The following NMT2 variants were observed in gnomAD, a reference collection of about 807,000 sequenced individuals.
NMT2 encodes the protein N-myristoyltransferase 2.
NMT2 carries 35 observed loss-of-function variants against 65.4 expected under a neutral mutation model. The ratio of observed to expected loss-of-function variants is 0.54; its 90% CI spans 0.41 to 0.71. The LOEUF is 0.71. NMT2 is among the 30% of genes least tolerant of loss of function. The probability of loss-of-function intolerance (pLI) is 0.00; values close to 1 mark genes in which losing one functional copy is unlikely to be tolerated. For missense variants in NMT2, 489 were observed against 611.3 expected (o/e 0.80, Z 2.11); for synonymous variants, 226 against 231.8 (o/e 0.98, Z 0.23).
intron 1 of NMT2, among the ~76,000 whole-genome samples, chr10:15,145,382 T>C (rs149472118): frequency 4.9e-4 from 74 of 152,282 alleles, no homozygotes; most frequent in African/African-American, 1.7e-3. Context: ...TTATTTATTT[T>C]TGGTTTTTAG....
At chr10:15,121,578 G>A (rs1845932805) in intron 8 of NMT2, among the ~76,000 whole-genome samples, 2 of 152,312 alleles carry the variant, frequency 1.3e-5, no homozygotes, top group South Asian at 4.1e-4. Flanking sequence ...CGTTGGCCAG[G>A]CTGGTCTCGA....
intron 2 of NMT2, chr10:15,138,571 C>A: frequency 4.6e-6 from 2 of 438,968 alleles, no homozygotes; most frequent in South Asian, 3.3e-5. Context: ...CTGTGGCATA[C>A]TAACCAGCAA....
At chr10:15,138,331 A>C in intron 2 of NMT2, 1 of 470,852 alleles carries the variant, frequency 2.1e-6, no homozygotes, top group Non-Finnish European at 4.4e-6. Context: ...GCTTTCTGAA[A>C]GTAGATTCAA....
In NMT2 at chr10:15,127,559, AAAAAAAAAAAATAAAT is replaced by A. The variant is rs1419037009; in HGVS notation, c.999+775_999+790del. ...GAGACTCCGTCTCAAAAAAAAAAAA[AAAAAAAAAAAATAAAT>A]AAATAAATAAATAAATAAATAAAAT... On this transcript the variant is annotated intron_variant, in intron 8 of 11. Transcript: ENST00000378165. 4.1e-5 allele frequency among the ~76,000 whole-genome samples: 4 copies of A among 98,134 alleles called. No homozygotes were observed. The East Asian group carries it at 1.0e-3, about 25-fold the overall frequency. 64.4% of individuals were successfully genotyped at this position (98,134 alleles called of 152,430 possible).
intron 1 of NMT2, among the ~76,000 whole-genome samples, chr10:15,162,273 G>C (rs984277148): frequency 2.2e-5 from 3 of 137,766 alleles, no homozygotes; most frequent in African/African-American, 8.1e-5. Context: ...AAAAAAAAAA[G>C]TGTACAGATA....
At chr10:15,164,166 G>A (rs1305326566) in intron 1 of NMT2, among the ~76,000 whole-genome samples, 1 of 123,214 alleles carries the variant, frequency 8.1e-6, no homozygotes, top group Non-Finnish European at 1.6e-5. Flanking sequence ...CTGGGGGACA[G>A]AGCGAGAATT....
At chr10:15,121,451 T>C (rs1301943246) in intron 8 of NMT2, among the ~76,000 whole-genome samples, 1 of 152,180 alleles carries the variant, frequency 6.6e-6, no homozygotes, top group East Asian at 1.9e-4. Context: ...CACTGCAACG[T>C]CTGCCTCCTG....
intron 10 of NMT2, among the ~76,000 whole-genome samples, chr10:15,110,183 G>C (rs1845460690): frequency 6.6e-6 from 1 of 151,654 alleles, no homozygotes; most frequent in African/African-American, 2.4e-5. Context: ...TGAGGCAGGA[G>C]AACTGCTTGA....
At chr10:15,127,553 A>T (rs1204474453) in intron 8 of NMT2, among the ~76,000 whole-genome samples, 2 of 93,856 alleles carry the variant, frequency 2.1e-5, no homozygotes, top group East Asian at 2.6e-4. Flanking sequence ...TCTCAAAAAA[A>T]AAAAAAAAAA....
chr10:15,120,969 A>C (rs981860479), intron 8 of NMT2, among the ~76,000 whole-genome samples: 1 of 152,294 alleles, frequency 6.6e-6, no homozygotes, highest in Admixed American at 6.5e-5. Context: ...TAAAACACCT[A>C]AAAGTCAGGA....
intron 1 of NMT2, among the ~76,000 whole-genome samples, chr10:15,151,433 GT>G (rs1458277146): frequency 6.6e-6 from 1 of 152,192 alleles, no homozygotes; most frequent in Admixed American, 6.5e-5. Context: ...AAGAGATAAT[GT>G]TAAACTATAA....
chr10:15,125,855 T>G (rs553900540), intron 8 of NMT2, among the ~76,000 whole-genome samples: 2 of 152,000 alleles, frequency 1.3e-5, no homozygotes, highest in Non-Finnish European at 2.9e-5. Flanking sequence ...TTAGTAGAGA[T>G]GGGGTTTCAC....
chr10:15,133,382 A>G lies in NMT2; in HGVS notation c.392-19T>C. On this transcript the variant is annotated intron_variant, in intron 3 of 11. Coordinates refer to ENST00000378165, the MANE Select transcript of NMT2 (RefSeq NM_004808.3). ...ACTTCATCTGAACAGGGAGAGAAAG[A>G]GAAAAAAGAAAGGCAAAAAGCGAGA... 1 of 1,562,682 alleles carries G rather than the reference A, an allele frequency of 6.4e-7. No individual in the cohort carries two copies. Among genetic ancestry groups the G allele is most frequent in the Non-Finnish European group, 8.8e-7 (1 of 1,133,260 alleles).
Position 15,107,473 on chromosome 10 carries a change from G to C in NMT2, c.*1722C>G. 17 of 984,418 alleles carry C rather than the reference G, an allele frequency of 1.7e-5. No homozygotes were observed. The highest frequency in any genetic ancestry group is 2.1e-5 in the Non-Finnish European group (17 of 829,040). 61.0% of individuals were successfully genotyped at this position (984,418 alleles called of 1,614,324 possible). On this transcript the variant is annotated 3_prime_UTR_variant, in exon 12 of 12. Coordinates refer to ENST00000378165, the MANE Select transcript of NMT2 (RefSeq NM_004808.3). The stretch of plus-strand genomic sequence containing the variant: ...AAAAGTATCTACTTTTGTTTTTTGA[G>C]ACGGAGTCTTGCACTGTCACCCAGG...
chr10:15,125,213 T>A (rs1263043491), intron 8 of NMT2, among the ~76,000 whole-genome samples: 3 of 152,238 alleles, frequency 2.0e-5, no homozygotes, highest in African/African-American at 7.2e-5. Context: ...ATAATGTATT[T>A]GAAAGCACTT....
At chr10:15,135,196 T>G in intron 3 of NMT2, 78 bp downstream of exon 3, 2 of 1,285,896 alleles carry the variant, frequency 1.6e-6, no homozygotes, top group Non-Finnish European at 2.2e-6. Flanking sequence ...TTGTGTTTTG[T>G]TGTTGTTGTT....
intron 1 of NMT2, among the ~76,000 whole-genome samples, chr10:15,152,588 T>C (rs1400424031): frequency 6.6e-6 from 1 of 152,228 alleles, no homozygotes; most frequent in African/African-American, 2.4e-5. Context: ...AGCTATTCCC[T>C]CTCAGAACCT....
At chr10:15,141,698 A>G in intron 1 of NMT2, 141 bp from the exon 2 acceptor site, 1 of 1,158,846 alleles carries the variant, frequency 8.6e-7, no homozygotes, top group South Asian at 1.6e-5. Context: ...TAGGTGAGGA[A>G]TAAAAGGTAG....
intron 6 of NMT2, among the ~76,000 whole-genome samples, chr10:15,131,081 C>T (rs1202388998): frequency 2.0e-5 from 3 of 152,020 alleles, no homozygotes; most frequent in South Asian, 2.1e-4. Flanking sequence ...AACCACCCAC[C>T]GCACCTGGCC....
Sources: gnomAD v4.1 joint callset for allele counts (sites outside exome capture counted in the v4.1 genomes callset) on GRCh38, gnomAD v4.1.1 for gene constraint, MANE v1.5 for transcripts, NCBI Gene and HGNC (gene_info 2026-07-23, HGNC 2026-07-21) for gene names.